NDST3: variants seen among roughly 807,000 people sequenced by gnomAD.
The protein encoded by NDST3 is bifunctional heparan sulfate N-deacetylase/N-sulfotransferase 3.
In NDST3, 58 loss-of-function variants were observed where a neutral mutation model predicts 96.1. The ratio of observed to expected loss-of-function variants is 0.60; its 90% CI spans 0.49 to 0.75. The LOEUF is 0.75. NDST3 is among the 30% of genes least tolerant of loss of function. The probability of loss-of-function intolerance (pLI) is 0.00; values close to 1 mark genes in which losing one functional copy is unlikely to be tolerated. For missense variants in NDST3, 788 were observed against 1,034.2 expected (o/e 0.76, Z 3.27); for synonymous variants, 333 against 359.7 (o/e 0.93, Z 0.84).
At chr4:118,172,367 A>C (rs1411389921) in intron 6 of NDST3, among the ~76,000 whole-genome samples, 1 of 151,912 alleles carries the variant, frequency 6.6e-6, no homozygotes, top group Admixed American at 6.6e-5. Context: ...ATAGAGAAAA[A>C]GTGTAAATTG....
intron 2 of NDST3, among the ~76,000 whole-genome samples, chr4:118,082,979 C>G (rs1316877027): frequency 6.6e-6 from 1 of 152,084 alleles, no homozygotes; most frequent in Non-Finnish European, 1.5e-5. Flanking sequence ...CTCATGAGAA[C>G]TCACCCACAA....
intron 12 of NDST3, among the ~76,000 whole-genome samples, chr4:118,252,623 G>C (rs545769947): frequency 6.6e-6 from 1 of 152,122 alleles, no homozygotes; most frequent in Non-Finnish European, 1.5e-5. Flanking sequence ...GGGCACAGTG[G>C]CTCACGCCTG....
chr4:118,102,465 A>G (rs971756983), intron 2 of NDST3, among the ~76,000 whole-genome samples: 3 of 152,140 alleles, frequency 2.0e-5, no homozygotes, highest in African/African-American at 7.2e-5. Context: ...ATTTATTATA[A>G]TTAGAATTTT....
At chr4:118,126,914 T>C (rs1448875158) in intron 4 of NDST3, among the ~76,000 whole-genome samples, 1 of 152,134 alleles carries the variant, frequency 6.6e-6, no homozygotes, top group African/African-American at 2.4e-5. Context: ...CATCTCATTA[T>C]AGTTTTGATT....
intron 2 of NDST3, among the ~76,000 whole-genome samples, chr4:118,056,666 A>C (rs1725457270): frequency 1.3e-5 from 2 of 151,990 alleles, no homozygotes; most frequent in African/African-American, 4.8e-5. Context: ...ACTTACAGAT[A>C]GAATCTTGAA....
intron 1 of NDST3, among the ~76,000 whole-genome samples, chr4:118,049,366 CTA>C (rs1560607191): frequency 6.6e-6 from 1 of 151,488 alleles, no homozygotes; most frequent in Non-Finnish European, 1.5e-5. Flanking sequence ...AAATAAATAA[CTA>C]ATATTAAAGA....
intron 6 of NDST3, among the ~76,000 whole-genome samples, chr4:118,178,524 A>G (rs1736409282): frequency 6.6e-6 from 1 of 151,990 alleles, no homozygotes; most frequent in Non-Finnish European, 1.5e-5. Context: ...CTTCCTTTTT[A>G]AGACTGAGTA....
intron 2 of NDST3, among the ~76,000 whole-genome samples, chr4:118,060,720 T>C (rs1295673029): frequency 6.6e-6 from 1 of 152,156 alleles, no homozygotes; most frequent in Non-Finnish European, 1.5e-5. Context: ...GAATGTATTT[T>C]ATCTCTTTTT....
intron 1 of NDST3, among the ~76,000 whole-genome samples, chr4:118,051,169 T>C (rs1271146369): frequency 6.6e-6 from 1 of 152,192 alleles, no homozygotes; most frequent in Non-Finnish European, 1.5e-5. Context: ...GCTAGCCATA[T>C]GCAGAAGAAT....
chr4:118,108,922 G>C (rs1730421682), intron 3 of NDST3, among the ~76,000 whole-genome samples: 1 of 152,016 alleles, frequency 6.6e-6, no homozygotes. Flanking sequence ...GTTTGACTTT[G>C]TTTTATGATT....
At chr4:118,251,622 T>G (rs541159869) in intron 12 of NDST3, among the ~76,000 whole-genome samples, 1 of 152,182 alleles carries the variant, frequency 6.6e-6, no homozygotes, top group South Asian at 2.1e-4. Context: ...GATTTATTTC[T>G]GAACTCTTCA....
At chr4:118,093,483 C>T (rs1328578059) in intron 2 of NDST3, among the ~76,000 whole-genome samples, 2 of 151,846 alleles carry the variant, frequency 1.3e-5, no homozygotes, top group African/African-American at 4.8e-5. Context: ...AGTGATGGGA[C>T]TATAATTCAG....
intron 3 of NDST3, among the ~76,000 whole-genome samples, chr4:118,107,080 A>G (rs1730253236): frequency 6.7e-6 from 1 of 150,356 alleles, no homozygotes; most frequent in African/African-American, 2.4e-5. Context: ...ACAGAGCGAG[A>G]CTCCATCTCA....
At chr4:118,187,101 A>G (rs77751104) in intron 6 of NDST3, among the ~76,000 whole-genome samples, 8,193 of 152,226 alleles carry the variant, frequency 0.054, 447 homozygotes, top group African/African-American at 0.14. Flanking sequence ...CAAAGAGTCT[A>G]CTCATTTCAA....
chr4:118,144,054 C>T (rs1422331074), intron 6 of NDST3, among the ~76,000 whole-genome samples: 1 of 151,940 alleles, frequency 6.6e-6, no homozygotes, highest in East Asian at 1.9e-4. Context: ...TTTTATTTTA[C>T]TATTTAAAGT....
chr4:118,198,077 C>T (rs529524668), intron 6 of NDST3, among the ~76,000 whole-genome samples: 8 of 152,122 alleles, frequency 5.3e-5, no homozygotes, highest in South Asian at 4.2e-4. Flanking sequence ...GGATTACAGG[C>T]GTGAGCCACC....
intron 3 of NDST3, among the ~76,000 whole-genome samples, chr4:118,109,253 T>C (rs1730448404): frequency 6.6e-6 from 1 of 152,170 alleles, no homozygotes; most frequent in South Asian, 2.1e-4. Context: ...AGGAAAATTA[T>C]CATATGGATG....
chr4:118,237,364 T>G (rs1578857173), intron 10 of NDST3, 144 bp downstream of exon 10: 1 of 592,754 alleles, frequency 1.7e-6, no homozygotes, highest in East Asian at 3.4e-5. Flanking sequence ...GACAAGTTTT[T>G]CTTGATTTCT....
chr4:118,196,388 C>G (rs1737688981), intron 6 of NDST3, among the ~76,000 whole-genome samples: 1 of 152,068 alleles, frequency 6.6e-6, no homozygotes. Context: ...GTCCCTCCTC[C>G]TCTATTTTTT....
Sources: gnomAD v4.1 joint callset for allele counts (sites outside exome capture counted in the v4.1 genomes callset) on GRCh38, gnomAD v4.1.1 for gene constraint, MANE v1.5 for transcripts, NCBI Gene and HGNC (gene_info 2026-07-23, HGNC 2026-07-21) for gene names.